The following PLK5 variants were observed in gnomAD, a reference collection of about 807,000 sequenced individuals.
PLK5 encodes the protein polo like kinase 5 (inactive), also known as inactive serine/threonine-protein kinase PLK5.
A neutral mutation model predicts 33.7 loss-of-function variants in PLK5; 28 were observed. The ratio of observed to expected loss-of-function variants is 0.83; its 90% confidence interval spans 0.62 to 1.14. The LOEUF (loss-of-function observed/expected upper bound fraction) is 1.14, where lower values mean the gene tolerates loss of function less well. Ranked by LOEUF, PLK5 falls within the 50% of genes most tolerant of loss-of-function variation. The pLI, the probability that PLK5 is intolerant of heterozygous loss-of-function variation, is 0.00. For missense variants in PLK5, 492 were observed against 461.5 expected (o/e 1.07, Z -0.61); for synonymous variants, 225 against 202.2 (o/e 1.11, Z -0.96).
intron 12 of PLK5, 120 bp downstream of exon 12, chr19:1,532,003 G>C: frequency 2.6e-6 from 3 of 1,167,882 alleles, no homozygotes; most frequent in South Asian, 3.8e-5. Context: ...CTGCCTGGTC[G>C]GGGAGAACAA....
rs192464372 is a variant in PLK5 at position 1,525,888 on chromosome 19, G to A, written c.-313+177G>A. On this transcript the variant is annotated intron_variant, in intron 3 of 13. Coordinates refer to ENST00000454744, the MANE Select transcript of PLK5 (RefSeq NM_001243079.2). ...AATTGTGTCCATCCTTTACTCACCT[G>A]GGCACACCCAGGCTCTCTTGATCCA... is the stretch of plus-strand genomic sequence containing the variant. 3.1e-3 allele frequency among the ~76,000 whole-genome samples: 478 copies of A among 152,238 alleles called. 3 individuals are homozygous for A. The highest frequency in any genetic ancestry group is 0.011 in the African/African-American group (454 of 41,530).
rs2656856 is a variant in PLK5, at chr19:1,524,688, C to T, written c.-544+442C>T. Among the ~76,000 whole-genome samples, 3,287 of 151,064 alleles carry T rather than the reference C, an allele frequency of 0.022. 143 individuals are homozygous for T. The highest frequency in any genetic ancestry group is 0.077 in the African/African-American group (3,147 of 41,066). On this transcript the variant is annotated intron_variant, in intron 1 of 13. Coordinates refer to ENST00000454744, the MANE Select transcript of PLK5 (RefSeq NM_001243079.2). This position sits in a 1 kb window ranked among gnomAD's most constrained non-coding sequence, Gnocchi z 4.5. Reference sequence around the variant, plus strand: ...TTTGTGCGTCATGCCTTTGTGTGTCCAGTCATTGTGTTGTGTGTCTGGGTG... The same window carrying T: ...TTTGTGCGTCATGCCTTTGTGTGTCTAGTCATTGTGTTGTGTGTCTGGGTG...
At chr19:1,534,068 A>G in intron 13 of PLK5, 27 bp downstream of exon 13, 1 of 1,517,516 alleles carries the variant, frequency 6.6e-7, no homozygotes, top group African/African-American at 1.4e-5. Flanking sequence ...AACTCGGGGC[A>G]CTGGGGCTCG....
chr19:1,527,241 G>A, intron 6 of PLK5, among the ~76,000 whole-genome samples: 1 of 152,068 alleles, frequency 6.6e-6, no homozygotes, highest in East Asian at 1.9e-4. Context: ...AGGCAGGTCA[G>A]GGCGTATGTG....
intron 13 of PLK5, 55 bp downstream of exon 13, chr19:1,534,096 C>T (rs1266394318): frequency 2.2e-6 from 3 of 1,372,514 alleles, no homozygotes; most frequent in Non-Finnish European, 3.0e-6. Context: ...GGGGTCTGGC[C>T]TGCCTGGGCT....
rs761963889 is a variant in PLK5, at chr19:1,535,053, T to TA, written c.826-11dup. 3.3e-6 allele frequency: 5 copies of TA among 1,519,702 alleles called. No individual in the cohort carries two copies. The allele number at this position is 1,519,702 out of a possible 1,614,324, so 94.1% of individuals were successfully genotyped here. On this transcript the variant is annotated splice_polypyrimidine_tract_variant and intron_variant, in intron 13 of 13. Transcript: ENST00000454744. ...ACCCGTCTCCCCTTGACTGGTATCTTACCCTTTGCAGGTGAGCTTCAGTGG... is the reference window on the plus strand; with the variant it reads ...ACCCGTCTCCCCTTGACTGGTATCTTAACCCTTTGCAGGTGAGCTTCAGTGG...
Position 1,531,635 on chromosome 19 carries a change from TG to T in PLK5, c.569-100del, listed in dbSNP as rs202062971. 1,891 of 1,379,378 alleles carry T rather than the reference TG, an allele frequency of 1.4e-3. 17 individuals carry two copies. The African/African-American group carries it at 0.024, about 18-fold the overall frequency. 85.4% of individuals were successfully genotyped at this position (1,379,378 alleles called of 1,614,324 possible). Reference sequence around the variant, plus strand: ...CCAAGCCTCTGTCCGGTCCCCGCCGTGGGAAGGGTCTCACCCATGGTTTCAG... The same window carrying T: ...CCAAGCCTCTGTCCGGTCCCCGCCGTGGAAGGGTCTCACCCATGGTTTCAG... On this transcript the variant is annotated intron_variant, in intron 11 of 13. Transcript: ENST00000454744.
intron 11 of PLK5, 25 bp from the exon 12 acceptor site, chr19:1,531,713 T>G: frequency 6.5e-7 from 1 of 1,535,732 alleles, no homozygotes; most frequent in Non-Finnish European, 8.7e-7. Context: ...GACCCCTGGC[T>G]CAGCATACCT....
intron 11 of PLK5, among the ~76,000 whole-genome samples, chr19:1,530,455 A>G (rs1042117620): frequency 6.6e-6 from 1 of 151,262 alleles, no homozygotes; most frequent in Non-Finnish European, 1.5e-5. Context: ...GTGCCACCAC[A>G]CCTGCTAATT....
chr19:1,527,918 GC>G lies in PLK5; in HGVS notation c.3-12del. On this transcript the variant is annotated splice_polypyrimidine_tract_variant and intron_variant, in intron 6 of 13. Transcript: ENST00000454744. ...GCGATGCCTGGACACCCAGGTTCTT[GC>G]CCCCCACCTGGCCCAGGTACACGGT... is the stretch of plus-strand genomic sequence containing the variant. 1 of 1,529,138 alleles carries G rather than the reference GC, an allele frequency of 6.5e-7. No individual in the cohort carries two copies. The highest frequency in any genetic ancestry group is 8.8e-7 in the Non-Finnish European group (1 of 1,141,984). The allele number at this position is 1,529,138 out of a possible 1,614,324, so 94.7% of individuals were successfully genotyped here.
chr19:1,527,039 G>A (rs753288970), intron 6 of PLK5, 41 bp downstream of exon 6: 8 of 1,427,390 alleles, frequency 5.6e-6, no homozygotes, highest in African/African-American at 5.3e-5. Context: ...GCCTCCGGGG[G>A]GGGCAGGTGT....
At position 1,533,987 on chromosome 19, in the gene PLK5, C is replaced by A; in HGVS notation, c.771C>A (p.Arg257=). Residue 257 remains arginine, a synonymous_variant, in exon 13 of 14, where the codon CGC becomes CGA. Coordinates refer to ENST00000454744, the MANE Select transcript of PLK5 (RefSeq NM_001243079.2). ...CTGGACCCGGCCTCTGCCTCCTGCG[C>A]TTCCTGGCCTCTGAGCACGCCCTGC... is the stretch of plus-strand genomic sequence containing the variant. The part of the protein sequence containing the change: ...PPAGPGLCLL[R]FLASEHALLL... 1.3e-6 allele frequency: 2 copies of A among 1,535,416 alleles called. No homozygotes were observed. The highest frequency in any genetic ancestry group is 1.7e-6 in the Non-Finnish European group (2 of 1,146,788).
chr19:1,534,173 AG>A (rs2145549508), intron 13 of PLK5, 132 bp downstream of exon 13: 4 of 676,668 alleles, frequency 5.9e-6, no homozygotes, highest in Non-Finnish European at 7.3e-6. Context: ...AAAAAAAAAA[AG>A]GTATTGGCTC....
Position 1,529,465 on chromosome 19 carries a change from A to AG in PLK5, c.468dup (p.Thr157AspfsTer5). On this transcript the variant is annotated frameshift_variant, in exon 10 of 14. Transcript: ENST00000454744. LOFTEE classifies it high-confidence loss of function. ...AAGGCCCCATCCACCTGGTCGCACA[A>AG]GGGACCCTGCAGAGTGACCTGGCCG... is the stretch of plus-strand genomic sequence containing the variant. The AG allele has an allele frequency of 6.5e-7, 1 of 1,536,004 alleles. No homozygotes were observed. The highest frequency in any genetic ancestry group is 8.7e-7 in the Non-Finnish European group (1 of 1,146,830).
At chr19:1,526,845 C>T (rs1012492644) in intron 5 of PLK5, 54 bp downstream of exon 5, 2 of 981,102 alleles carry the variant, frequency 2.0e-6, no homozygotes, top group Non-Finnish European at 3.1e-6. Context: ...CACGGCTGGC[C>T]CTGAAGTCTG....
At chr19:1,534,160 A>G (rs1568255397) in intron 13 of PLK5, 119 bp downstream of exon 13, 238 of 677,798 alleles carry the variant, frequency 3.5e-4, no homozygotes, top group South Asian at 1.2e-3. Flanking sequence ...CCCAGGAAAA[A>G]AAAAAAAAAA....
At position 1,524,687 on chromosome 19, in the gene PLK5, CCAGT is replaced by C. The variant is rs1913686242; in HGVS notation, c.-544+444_-544+447del. Among the ~76,000 whole-genome samples, 2 of 151,046 alleles carry C rather than the reference CCAGT, an allele frequency of 1.3e-5. No homozygotes were observed. The highest frequency in any genetic ancestry group is 3.0e-5 in the Non-Finnish European group (2 of 67,760). On this transcript the variant is annotated intron_variant, in intron 1 of 13. Transcript: ENST00000454744. This position sits in a 1 kb window ranked among gnomAD's most constrained non-coding sequence, Gnocchi z 4.5. ...GTTTGTGCGTCATGCCTTTGTGTGTCCAGTCATTGTGTTGTGTGTCTGGGTGTTG... is the reference window on the plus strand; with the variant it reads ...GTTTGTGCGTCATGCCTTTGTGTGTCCATTGTGTTGTGTGTCTGGGTGTTG...
intron 11 of PLK5, among the ~76,000 whole-genome samples, chr19:1,530,293 C>T (rs766588618): frequency 1.2e-4 from 18 of 152,008 alleles, no homozygotes; most frequent in Non-Finnish European, 2.5e-4. Context: ...CTTTTCTTTT[C>T]CTTTTCTTTC....
At chr19:1,529,242 T>A (rs1035448096) in intron 9 of PLK5, among the ~76,000 whole-genome samples, 164 bp from the exon 10 acceptor site, 1 of 152,058 alleles carries the variant, frequency 6.6e-6, no homozygotes, top group Non-Finnish European at 1.5e-5. Flanking sequence ...GAGCACCTAC[T>A]GTATGCCTCC....
Sources: allele counts gnomAD v4.1 joint callset (sites outside exome capture counted in the v4.1 genomes callset), GRCh38; gene constraint gnomAD v4.1.1; non-coding constraint Gnocchi (gnomAD v3.1); transcripts MANE v1.5; gene names NCBI Gene and HGNC (gene_info 2026-07-23, HGNC 2026-07-21).